Variants in TCF4 observed in about 807,000 individuals in gnomAD.
TCF4 encodes transcription factor 4, also known as SL3-3 enhancer factor 2.
TCF4 carries 3 observed loss-of-function variants against 82.1 expected under a neutral mutation model. That is an observed-to-expected ratio of 0.04 (90% CI 0.02 to 0.09). The LOEUF (loss-of-function observed/expected upper bound fraction) is 0.09. TCF4 is among the 10% of genes least tolerant of loss of function. The pLI is 1.00. For synonymous variants in TCF4, 276 were observed against 309.6 expected, an observed-to-expected ratio of 0.89 and a Z score of 1.14; for missense variants, 518 against 852.7, an observed-to-expected ratio of 0.61 and a Z score of 4.89.
chr18:55,382,574 C>CA (rs1454765027), intron 6 of TCF4, among the ~76,000 whole-genome samples: 1 of 152,068 alleles, frequency 6.6e-6, no homozygotes, highest in Admixed American at 6.5e-5. Flanking sequence ...AACCATCTTC[C>CA]AAGGGGAATC....
intron 8 of TCF4, among the ~76,000 whole-genome samples, chr18:55,281,231 T>G (rs1265531590): frequency 6.6e-6 from 1 of 152,124 alleles, no homozygotes; most frequent in Non-Finnish European, 1.5e-5. Flanking sequence ...TGGCTAGGAA[T>G]CCAAAAACAA....
intron 8 of TCF4, among the ~76,000 whole-genome samples, chr18:55,283,475 T>A (rs1405148229): frequency 6.6e-6 from 1 of 152,216 alleles, no homozygotes; most frequent in Non-Finnish European, 1.5e-5. Context: ...TGATTACTCA[T>A]TTGTTTAGGG....
At chr18:55,276,349 T>C (rs932939877) in intron 9 of TCF4, among the ~76,000 whole-genome samples, 1 of 152,186 alleles carries the variant, frequency 6.6e-6, no homozygotes, top group African/African-American at 2.4e-5. Flanking sequence ...TATAGGTATA[T>C]AGCTATCTTA....
chr18:55,424,198 T>C (rs1038708325), intron 5 of TCF4, among the ~76,000 whole-genome samples: 1 of 152,198 alleles, frequency 6.6e-6, no homozygotes, highest in Admixed American at 6.5e-5. Context: ...TGTTAGAAAT[T>C]AATTAATTGG....
In TCF4 at chr18:55,223,797, TAAAAACAAAAAC is replaced by T. The variant is rs571078805; in HGVS notation, c.*4226_*4237del. The T allele has an allele frequency of 5.0e-4, 75 of 149,578 alleles. 1 individual carries two copies. In the East Asian group the frequency reaches 0.012, roughly 25 times the overall value. The allele number at this position is 149,578 out of a possible 1,614,324, so 9.3% of individuals were successfully genotyped here. A position where few individuals can be genotyped will look rare whatever the true frequency, so the allele number is the denominator to read the frequency against. On this transcript the variant is annotated 3_prime_UTR_variant, in exon 20 of 20. Transcript: ENST00000354452. Reference sequence around the variant, plus strand: ...AAATTTCCCCGCTGCGACCTACAACTAAAAACAAAAACAAAAACAAAAACAAAACAAAAAACA... The same window carrying T: ...AAATTTCCCCGCTGCGACCTACAACTAAAAACAAAAACAAAACAAAAAACA...
intron 3 of TCF4, among the ~76,000 whole-genome samples, chr18:55,568,455 AT>A (rs1216170338): frequency 6.6e-6 from 1 of 151,790 alleles, no homozygotes; most frequent in Non-Finnish European, 1.5e-5. Context: ...TAAAATGTAA[AT>A]GAAATAGAGA....
chr18:55,315,579 C>A (rs1461970254), intron 8 of TCF4, among the ~76,000 whole-genome samples: 1 of 152,044 alleles, frequency 6.6e-6, no homozygotes, highest in Non-Finnish European at 1.5e-5. Flanking sequence ...ATTCTCAAAC[C>A]ACTTTCAAGC....
intron 8 of TCF4, among the ~76,000 whole-genome samples, chr18:55,345,267 G>C (rs756481768): frequency 1.3e-5 from 2 of 149,698 alleles, no homozygotes; most frequent in Non-Finnish European, 3.0e-5. Context: ...GTCTCAATGT[G>C]TAATAGAGAA....
intron 6 of TCF4, among the ~76,000 whole-genome samples, chr18:55,373,211 T>C (rs574967804): frequency 9.1e-4 from 138 of 151,536 alleles, no homozygotes; most frequent in Non-Finnish European, 1.8e-3. Context: ...AAATATGTAA[T>C]ATAAAATCTA....
intron 6 of TCF4, among the ~76,000 whole-genome samples, chr18:55,360,184 C>G (rs1033321689): frequency 6.6e-6 from 1 of 152,066 alleles, no homozygotes; most frequent in African/African-American, 2.4e-5. Flanking sequence ...AAACAGCTGG[C>G]TAAAAAAATG....
At chr18:55,327,172 A>G (rs2076706355) in intron 8 of TCF4, among the ~76,000 whole-genome samples, 1 of 152,138 alleles carries the variant, frequency 6.6e-6, no homozygotes, top group Non-Finnish European at 1.5e-5. Context: ...TACTTTTTCA[A>G]TTGGGATCCT....
rs537933999 is a variant in TCF4, at chr18:55,525,236, C to CA, written c.145+60043dup. On this transcript the variant is annotated intron_variant, in intron 3 of 19. Transcript: ENST00000354452. ...AATCAAGTGAGTTTACATTTTGAAT[C>CA]AAAAAAAAAAAAATCTCAATTACAT... Among the ~76,000 whole-genome samples the CA allele has an allele frequency of 5.7e-3, 815 of 142,206 alleles. 4 individuals are homozygous for CA. Among genetic ancestry groups the CA allele is most frequent in the Middle Eastern group, 0.051 (14 of 276 alleles). The allele number at this position is 142,206 out of a possible 152,430, so 93.3% of individuals were successfully genotyped here.
At chr18:55,442,315 T>A (rs2095452128) in intron 5 of TCF4, among the ~76,000 whole-genome samples, 1 of 152,222 alleles carries the variant, frequency 6.6e-6, no homozygotes, top group South Asian at 2.1e-4. Flanking sequence ...CAGAATCAAG[T>A]TGGTCTTCAA....
chr18:55,439,664 C>A (rs529500030), intron 5 of TCF4, among the ~76,000 whole-genome samples: 1 of 152,314 alleles, frequency 6.6e-6, no homozygotes, highest in African/African-American at 2.4e-5. Flanking sequence ...TAATGGGTAA[C>A]TCGAAAAGAA....
intron 3 of TCF4, among the ~76,000 whole-genome samples, chr18:55,552,523 C>T (rs1293605831): frequency 1.3e-5 from 2 of 152,198 alleles, no homozygotes; most frequent in Non-Finnish European, 2.9e-5. Flanking sequence ...AGCAACACCA[C>T]CTTAAAGCAC....
At chr18:55,260,612 G>A (rs756427539) in intron 12 of TCF4, among the ~76,000 whole-genome samples, 2 of 152,128 alleles carry the variant, frequency 1.3e-5, no homozygotes, top group Non-Finnish European at 2.9e-5. Flanking sequence ...AAGTTGGAGT[G>A]CAGTGGCATG....
At chr18:55,596,992 A>C (rs562256915) in intron 2 of TCF4, among the ~76,000 whole-genome samples, 1 of 152,290 alleles carries the variant, frequency 6.6e-6, no homozygotes, top group Non-Finnish European at 1.5e-5. Flanking sequence ...TGTTCTCATA[A>C]TAGTGAGTGA....
intron 2 of TCF4, 190 bp downstream of exon 2, chr18:55,586,855 G>T: frequency 6.4e-6 from 3 of 466,166 alleles, no homozygotes; most frequent in Non-Finnish European, 7.7e-6. Flanking sequence ...AAAAAAAAAA[G>T]CCTGAATCTT....
intron 3 of TCF4, among the ~76,000 whole-genome samples, chr18:55,528,262 G>A (rs982059693): frequency 2.0e-5 from 3 of 152,100 alleles, no homozygotes; most frequent in Admixed American, 1.3e-4. Context: ...AAGATCTTAG[G>A]TATCTAATGT....
Sources: gnomAD v4.1 joint callset for allele counts (sites outside exome capture counted in the v4.1 genomes callset) on GRCh38, gnomAD v4.1.1 for gene constraint, MANE v1.5 for transcripts, NCBI Gene and HGNC (gene_info 2026-07-23, HGNC 2026-07-21) for gene names.